TRPM3: variants seen among roughly 807,000 people sequenced by gnomAD.
TRPM3 encodes the protein long transient receptor potential channel 3.
In TRPM3, 77 loss-of-function variants were observed where a neutral mutation model predicts 181.2. The observed-to-expected ratio is 0.42, with a 90% CI of 0.35 to 0.51. The LOEUF (loss-of-function observed/expected upper bound fraction) is 0.51. TRPM3 is among the 20% of genes least tolerant of loss of function. The pLI, the probability that TRPM3 is intolerant of heterozygous loss-of-function variation, is 0.01. For synonymous variants in TRPM3, 745 were observed against 796.4 expected (o/e 0.94, Z 1.09); for missense variants, 1,759 against 2,196.7 (o/e 0.80, Z 3.98).
intron 1 of TRPM3, among the ~76,000 whole-genome samples, chr9:71,439,625 A>T (rs1466102737): frequency 6.6e-6 from 1 of 152,154 alleles, no homozygotes; most frequent in Admixed American, 6.5e-5. Flanking sequence ...CAGGTCAGAG[A>T]CTGGGATCCA....
intron 1 of TRPM3, among the ~76,000 whole-genome samples, chr9:70,940,532 C>T (rs1221306109): frequency 6.6e-6 from 1 of 152,142 alleles, no homozygotes; most frequent in East Asian, 1.9e-4. Flanking sequence ...TGGGGTGTTC[C>T]TTGCCCTTAT....
At chr9:70,771,484 C>G (rs763976033) in intron 7 of TRPM3, among the ~76,000 whole-genome samples, 1 of 151,942 alleles carries the variant, frequency 6.6e-6, no homozygotes, top group Admixed American at 6.6e-5. Flanking sequence ...CCTTCCCTTC[C>G]CTCTTCTTTC....
intron 1 of TRPM3, among the ~76,000 whole-genome samples, chr9:70,949,152 C>A (rs2096968172): frequency 6.6e-6 from 1 of 151,760 alleles, no homozygotes; most frequent in Non-Finnish European, 1.5e-5. Context: ...GTGAGGGAGG[C>A]AGTAATCAAT....
At chr9:71,164,975 T>C (rs1166042666) in intron 1 of TRPM3, among the ~76,000 whole-genome samples, 1 of 152,186 alleles carries the variant, frequency 6.6e-6, no homozygotes, top group Non-Finnish European at 1.5e-5. Context: ...TTCATTTAAA[T>C]AATTACTTAA....
rs574529192 is a variant in TRPM3 at position 70,533,122 on chromosome 9, A to G, written c.*2831T>C. On this transcript the variant is annotated 3_prime_UTR_variant, in exon 26 of 26. Coordinates refer to ENST00000677713, the MANE Select transcript of TRPM3 (RefSeq NM_001366145.2). ...AATTGCAAGATCAGGACTGTTGAGTATTTCGTTTCCCAGTTCCTATCCTTT... is the reference window on the plus strand; with the variant it reads ...AATTGCAAGATCAGGACTGTTGAGTGTTTCGTTTCCCAGTTCCTATCCTTT... The G allele has an allele frequency of 6.6e-6, 1 of 152,320 alleles. No individual in the cohort carries two copies. The highest frequency in any genetic ancestry group is 1.9e-4 in the East Asian group (1 of 5,182). The allele number at this position is 152,320 out of a possible 1,614,324, so 9.4% of individuals were successfully genotyped here.
intron 1 of TRPM3, among the ~76,000 whole-genome samples, chr9:71,017,630 A>C (rs540760386): frequency 1.3e-5 from 2 of 152,022 alleles, no homozygotes; most frequent in East Asian, 3.9e-4. Context: ...TAATGACAAC[A>C]AAAGGCCAAT....
intron 1 of TRPM3, among the ~76,000 whole-genome samples, chr9:71,074,653 G>T (rs1298943207): frequency 3.3e-5 from 5 of 152,178 alleles, no homozygotes; most frequent in Non-Finnish European, 5.9e-5. Context: ...CAGGGTGGTT[G>T]TAAGCATTAA....
At chr9:70,803,590 A>AG (rs1411106771) in intron 6 of TRPM3, among the ~76,000 whole-genome samples, 1 of 149,922 alleles carries the variant, frequency 6.7e-6, no homozygotes, top group East Asian at 2.0e-4. Context: ...CTGGGACCAC[A>AG]GGCGCCCGCC....
intron 1 of TRPM3, among the ~76,000 whole-genome samples, chr9:71,260,688 T>C (rs2082985930): frequency 6.6e-6 from 1 of 152,196 alleles, no homozygotes; most frequent in Non-Finnish European, 1.5e-5. Context: ...GTTTGTCTAT[T>C]ATTGGTGTAT....
chr9:71,023,115 A>C (rs911298968), intron 1 of TRPM3, among the ~76,000 whole-genome samples: 6 of 152,232 alleles, frequency 3.9e-5, no homozygotes, highest in African/African-American at 1.4e-4. Context: ...TGTTACTGAG[A>C]ATACATAAAG....
intron 1 of TRPM3, among the ~76,000 whole-genome samples, chr9:71,188,910 G>A (rs983933503): frequency 1.1e-4 from 16 of 152,042 alleles, no homozygotes; most frequent in African/African-American, 3.4e-4. Context: ...TAGTAAATGT[G>A]TAAAATTCAT....
chr9:70,941,192 T>G (rs961540971), intron 1 of TRPM3, among the ~76,000 whole-genome samples: 1 of 152,158 alleles, frequency 6.6e-6, no homozygotes, highest in African/African-American at 2.4e-5. Flanking sequence ...AGACCCACCC[T>G]TAATCTGGGT....
intron 1 of TRPM3, among the ~76,000 whole-genome samples, chr9:71,396,920 C>T (rs564986371): frequency 1.3e-5 from 2 of 150,456 alleles, no homozygotes; most frequent in African/African-American, 4.9e-5. Flanking sequence ...GAGCCTAGAT[C>T]GCGCCACTGC....
intron 8 of TRPM3, among the ~76,000 whole-genome samples, chr9:70,695,929 A>G (rs912496453): frequency 3.9e-5 from 6 of 152,216 alleles, no homozygotes; most frequent in African/African-American, 1.4e-4. Context: ...GCTTATCTGC[A>G]TCCTTTAATG....
At chr9:70,767,811 C>A (rs1013693904) in intron 7 of TRPM3, among the ~76,000 whole-genome samples, 1 of 152,178 alleles carries the variant, frequency 6.6e-6, no homozygotes, top group African/African-American at 2.4e-5. Context: ...GGACTTCTTA[C>A]ACGGAAGCTG....
At position 70,620,356 on chromosome 9, in the gene TRPM3, G is replaced by C; in HGVS notation, c.1849C>G (p.Pro617Ala). ...GTTGTCTTTCTTCCTCGCCTCAAGG[G>C]AATATCATCCTGTAATTACAGGGAA... is the stretch of plus-strand genomic sequence containing the variant. ...LKLLGMEDDI[P>A]LRRGRKTTKK... Residue 617 changes from proline to alanine, a missense_variant, in exon 16 of 26, where the codon CCC becomes GCC. Pro to Ala is a conservative substitution (Grantham distance 27, BLOSUM62 -1). Around this residue, in one of 8 missense-constraint regions of TRPM3, gnomAD observed 737 missense variants for 957.4 expected, o/e 0.77. Coordinates refer to ENST00000677713, the MANE Select transcript of TRPM3 (RefSeq NM_001366145.2). The C allele has an allele frequency of 6.2e-7, 1 of 1,608,794 alleles. No individual in the cohort carries two copies. Among genetic ancestry groups the C allele is most frequent in the South Asian group, 1.1e-5 (1 of 90,688 alleles).
At chr9:71,286,089 T>A (rs561363310) in intron 1 of TRPM3, among the ~76,000 whole-genome samples, 1 of 152,158 alleles carries the variant, frequency 6.6e-6, no homozygotes, top group African/African-American at 2.4e-5. Context: ...GGGCTCCACA[T>A]CTGTTTGAGA....
chr9:70,572,836 GACCATCTAAAGACAGTAAGTA>G (rs903320555), intron 22 of TRPM3, among the ~76,000 whole-genome samples: 18 of 152,300 alleles, frequency 1.2e-4, no homozygotes, highest in African/African-American at 4.3e-4. Context: ...GTTACCAAGA[GACCATCTAAAGACAGTAAGTA>G]ACTAGATTTC....
intron 1 of TRPM3, among the ~76,000 whole-genome samples, chr9:71,385,303 AAG>A (rs763574160): frequency 1.2e-4 from 19 of 152,236 alleles, no homozygotes; most frequent in Non-Finnish European, 2.6e-4. Context: ...ATTTAGAAAA[AAG>A]AACACAATTT....
Sources: gnomAD v4.1 joint callset for allele counts (sites outside exome capture counted in the v4.1 genomes callset) on GRCh38, gnomAD v4.1.1 for gene constraint, gnomAD v4.1.1 regional missense constraint, MANE v1.5 for transcripts, NCBI Gene and HGNC (gene_info 2026-07-23, HGNC 2026-07-21) for gene names.